Variants in ALOX5AP observed in about 807,000 individuals in gnomAD.
ALOX5AP encodes the protein arachidonate 5-lipoxygenase-activating protein.
In ALOX5AP, 9 loss-of-function variants were observed where a neutral mutation model predicts 18.5. That is an observed-to-expected ratio of 0.49 (90% CI 0.29 to 0.85). The LOEUF is 0.85. ALOX5AP is among the 40% of genes least tolerant of loss of function. The pLI, the probability that ALOX5AP is intolerant of heterozygous loss-of-function variation, is 0.08. For missense variants in ALOX5AP, 172 were observed against 202.5 expected, an observed-to-expected ratio of 0.85 and a Z score of 0.91; for synonymous variants, 81 against 78.6, an observed-to-expected ratio of 1.03 and a Z score of -0.16.
chr13:30,741,554 CCA>C (rs200311492), intron 1 of ALOX5AP, among the ~76,000 whole-genome samples: 1,783 of 6,930 alleles, frequency 0.26, 59 homozygotes, highest in South Asian at 0.45. Context: ...CTCCCCACCC[CCA>C]CCCCCCAACA....
chr13:30,743,275 C>T (rs1351811568), intron 1 of ALOX5AP, among the ~76,000 whole-genome samples: 2 of 152,044 alleles, frequency 1.3e-5, no homozygotes, highest in Non-Finnish European at 2.9e-5. Flanking sequence ...TCGCCCATAG[C>T]TCAGCACACC....
intron 3 of ALOX5AP, among the ~76,000 whole-genome samples, chr13:30,754,014 C>G (rs1951872362): frequency 6.6e-6 from 1 of 152,152 alleles, no homozygotes; most frequent in African/African-American, 2.4e-5. Flanking sequence ...CCGAGGCAGG[C>G]AGGTCACTTG....
chr13:30,741,278 T>G (rs61529640), intron 1 of ALOX5AP, among the ~76,000 whole-genome samples: 140 of 151,554 alleles, frequency 9.2e-4, no homozygotes, highest in African/African-American at 3.1e-3. Context: ...GCTAATTTTT[T>G]TTTTGTATTT....
At chr13:30,735,498 C>G, upstream of ALOX5AP, 2 of 1,502,304 alleles carry the variant, frequency 1.3e-6, no homozygotes, top group Non-Finnish European at 1.8e-6. Context: ...CGGGGATCTT[C>G]AGAAATTGTA....
chr13:30,747,125 G>C (rs1256697313), intron 2 of ALOX5AP, among the ~76,000 whole-genome samples: 2 of 152,210 alleles, frequency 1.3e-5, no homozygotes, highest in Non-Finnish European at 2.9e-5. Flanking sequence ...CAGGGTTTGA[G>C]AGCTAAAAGG....
At chr13:30,759,156 A>G (rs1951920566) in intron 4 of ALOX5AP, among the ~76,000 whole-genome samples, 1 of 151,984 alleles carries the variant, frequency 6.6e-6, no homozygotes, top group African/African-American at 2.4e-5. Context: ...CATTTAAGCT[A>G]TTACCTGGGC....
chr13:30,756,374 C>G (rs899116694), intron 4 of ALOX5AP, among the ~76,000 whole-genome samples: 2 of 152,176 alleles, frequency 1.3e-5, no homozygotes, highest in Non-Finnish European at 2.9e-5. Flanking sequence ...TCTGGGTTCC[C>G]AGGCCTCCTG....
intron 4 of ALOX5AP, among the ~76,000 whole-genome samples, chr13:30,759,185 G>A (rs900159777): frequency 9.2e-5 from 14 of 152,082 alleles, no homozygotes; most frequent in African/African-American, 3.4e-4. Context: ...AATGGCACCT[G>A]GCACCAACTG....
chr13:30,761,251 G>T (rs1157177195), intron 4 of ALOX5AP, among the ~76,000 whole-genome samples: 1 of 152,196 alleles, frequency 6.6e-6, no homozygotes. Context: ...CTAGTCCTAT[G>T]CTGCGAGGGC....
At chr13:30,731,195 G>A (rs149081852), upstream of ALOX5AP, among the ~76,000 whole-genome samples, 11 of 152,300 alleles carry the variant, frequency 7.2e-5, no homozygotes, top group African/African-American at 2.2e-4. Flanking sequence ...CCATTGCTCA[G>A]TGCTTTAGCC....
intron 1 of ALOX5AP, among the ~76,000 whole-genome samples, chr13:30,738,629 T>C (rs930007067): frequency 2.6e-5 from 4 of 152,186 alleles, no homozygotes; most frequent in Non-Finnish European, 5.9e-5. Context: ...TTAGACATGA[T>C]GCAAACCTGG....
chr13:30,717,684 G>T (rs1194910220), intron 1 of ALOX5AP, among the ~76,000 whole-genome samples: 1 of 152,232 alleles, frequency 6.6e-6, no homozygotes, highest in Non-Finnish European at 1.5e-5. Flanking sequence ...TTCTGTCCAT[G>T]TGGAGCGGGG....
At chr13:30,732,281 C>G (rs1374987803), upstream of ALOX5AP, among the ~76,000 whole-genome samples, 1 of 152,156 alleles carries the variant, frequency 6.6e-6, no homozygotes, top group African/African-American at 2.4e-5. Flanking sequence ...GGTGTGGGGT[C>G]CCTGCGTTCC....
chr13:30,719,516 G>A (rs908642647), intron 1 of ALOX5AP, among the ~76,000 whole-genome samples: 2 of 152,072 alleles, frequency 1.3e-5, no homozygotes, highest in African/African-American at 4.8e-5. Context: ...TTACTTTCTT[G>A]CTTATTATCT....
intron 2 of ALOX5AP, among the ~76,000 whole-genome samples, chr13:30,746,970 A>G (rs1012330666): frequency 4.8e-4 from 73 of 152,348 alleles, no homozygotes; most frequent in African/African-American, 1.7e-3. Flanking sequence ...TTAGCATAAA[A>G]CACAACTGCT....
chr13:30,732,381 G>A (rs971481786), upstream of ALOX5AP, among the ~76,000 whole-genome samples: 1 of 152,190 alleles, frequency 6.6e-6, no homozygotes, highest in Non-Finnish European at 1.5e-5. Flanking sequence ...ATTGGGATGA[G>A]TTTAAAAGAC....
chr13:30,750,863 G>T (rs938565213), intron 2 of ALOX5AP, among the ~76,000 whole-genome samples: 1 of 152,146 alleles, frequency 6.6e-6, no homozygotes, highest in African/African-American at 2.4e-5. Flanking sequence ...AAATAAGAAA[G>T]ATTTGATGGG....
At chr13:30,736,088 A>T (rs17074937) in intron 1 of ALOX5AP, among the ~76,000 whole-genome samples, 5,891 of 152,278 alleles carry the variant, frequency 0.039, 367 homozygotes, top group African/African-American at 0.13. Flanking sequence ...AGTGCAATTG[A>T]AGTTACCAGT....
intron 1 of ALOX5AP, among the ~76,000 whole-genome samples, chr13:30,728,983 A>G (rs150423569): frequency 6.6e-5 from 10 of 152,332 alleles, no homozygotes; most frequent in Non-Finnish European, 1.2e-4. Context: ...GACCATTCCA[A>G]TAGATGTATT....
Sources: gnomAD v4.1 joint callset for allele counts (sites outside exome capture counted in the v4.1 genomes callset) on GRCh38, gnomAD v4.1.1 for gene constraint, MANE v1.5 for transcripts, NCBI Gene and HGNC (gene_info 2026-07-23, HGNC 2026-07-21) for gene names.